The following PCDH15 variants were observed in gnomAD, a reference collection of about 807,000 sequenced individuals.
The protein encoded by PCDH15 is protocadherin-15.
Under a neutral mutation model 178.5 loss-of-function variants are expected in PCDH15, and 129 were observed. That is an observed-to-expected ratio of 0.72 (90% CI 0.63 to 0.84). The LOEUF (loss-of-function observed/expected upper bound fraction) is 0.84, where lower values mean the gene tolerates loss of function less well. PCDH15 is among the 40% of genes least tolerant of loss of function. The probability of loss-of-function intolerance (pLI) is 0.00; values close to 1 mark genes in which losing one functional copy is unlikely to be tolerated. For missense variants in PCDH15, 2,230 were observed against 2,099.9 expected (o/e 1.06, Z -1.21); for synonymous variants, 800 against 732.0 (o/e 1.09, Z -1.50).
chr10:55,186,608 A>G (rs1839805929), intron 1 of PCDH15, among the ~76,000 whole-genome samples: 1 of 151,790 alleles, frequency 6.6e-6, no homozygotes, highest in South Asian at 2.1e-4. Context: ...CTGCTAGTAA[A>G]CATTTTCCTA....
chr10:55,542,505 A>G (rs542790957), intron 2 of PCDH15, among the ~76,000 whole-genome samples: 43 of 151,000 alleles, frequency 2.8e-4, no homozygotes, highest in Non-Finnish European at 5.8e-4. Context: ...TTACATATGT[A>G]CAGTATGTAT....
rs559360835 is a variant in PCDH15 at position 54,793,253 on chromosome 10, A to G, written c.-29+7672T>C. On this transcript the variant is annotated intron_variant, in intron 1 of 37. Transcript: ENST00000644397. The stretch of plus-strand genomic sequence containing the variant: ...ATTGAGTAGCTGAGCCTCCACACCC[A>G]TTCTGCAGCAAAAAAGTATTGCAAG... Among the ~76,000 whole-genome samples, 4 of 151,920 alleles carry G rather than the reference A, an allele frequency of 2.6e-5. No homozygotes were observed. The South Asian group carries it at 8.3e-4, about 32-fold the overall frequency.
rs570766350 is a variant in PCDH15 at position 53,806,638 on chromosome 10, C to T, written c.5164G>A (p.Asp1722Asn). ...CAGGGGCCCATCCAAAGCTCTTCATCATCAGACTGTGTGTGGTCACTATGA... is the reference window on the plus strand; with the variant it reads ...CAGGGGCCCATCCAAAGCTCTTCATTATCAGACTGTGTGTGGTCACTATGA... ...EFHSDHTQSD[D>N]EELWMGPWNN... The change falls in exon 38 of 38, where the codon GAT (aspartate) becomes AAT (asparagine). Residue 1722 changes from aspartate to asparagine, a missense_variant. Transcript: ENST00000644397. 2.5e-6 allele frequency: 4 copies of T among 1,613,768 alleles called. No homozygotes were observed. In the South Asian group the frequency reaches 3.3e-5, roughly 13 times the overall value.
chr10:53,870,940 CTATT>C (rs2079798190), intron 26 of PCDH15, among the ~76,000 whole-genome samples: 2 of 152,196 alleles, frequency 1.3e-5, no homozygotes, highest in African/African-American at 4.8e-5. Context: ...TATATTGTCT[CTATT>C]TGTTGTTAAA....
At chr10:55,131,382 G>C (rs1838039380) in intron 2 of PCDH15, among the ~76,000 whole-genome samples, 1 of 152,160 alleles carries the variant, frequency 6.6e-6, no homozygotes, top group South Asian at 2.1e-4. Context: ...TCAAAGCCCT[G>C]GCTCAGGGAG....
At position 54,295,928 on chromosome 10, in the gene PCDH15, A is replaced by G. The variant is rs554004966; in HGVS notation, c.876+21343T>C. On this transcript the variant is annotated intron_variant, in intron 8 of 37. Transcript: ENST00000644397. Reference sequence around the variant, plus strand: ...GGGAGGCCGAGGCGGGCGGATCACGAGGTCAGGAGATCGAGACCATCCCGG... The same window carrying G: ...GGGAGGCCGAGGCGGGCGGATCACGGGGTCAGGAGATCGAGACCATCCCGG... 2.0e-5 allele frequency among the ~76,000 whole-genome samples: 3 copies of G among 151,016 alleles called. No individual in the cohort carries two copies. In the South Asian group the frequency reaches 6.3e-4, roughly 31 times the overall value.
At chr10:55,533,133 G>C (rs577433577) in intron 2 of PCDH15, among the ~76,000 whole-genome samples, 41 of 152,066 alleles carry the variant, frequency 2.7e-4, no homozygotes, top group African/African-American at 8.9e-4. Flanking sequence ...TACTGAATGG[G>C]CAAAAGCTGA....
intron 1 of PCDH15, among the ~76,000 whole-genome samples, chr10:54,753,078 A>T (rs1946563029): frequency 6.6e-6 from 1 of 152,234 alleles, no homozygotes; most frequent in Non-Finnish European, 1.5e-5. Context: ...GTAAGGAGTT[A>T]CCCACATATA....
chr10:55,521,704 G>T (rs1382139575), intron 2 of PCDH15, among the ~76,000 whole-genome samples: 1 of 151,478 alleles, frequency 6.6e-6, no homozygotes, highest in African/African-American at 2.4e-5. Context: ...ATTTACATTG[G>T]GTATAGAGAT....
At chr10:54,463,064 C>G (rs2077298957) in intron 3 of PCDH15, among the ~76,000 whole-genome samples, 1 of 152,130 alleles carries the variant, frequency 6.6e-6, no homozygotes, top group Non-Finnish European at 1.5e-5. Flanking sequence ...TAAGATCAAT[C>G]AGTCTGTTCA....
intron 8 of PCDH15, among the ~76,000 whole-genome samples, chr10:54,307,024 A>G (rs372212955): frequency 0.18 from 5,059 of 28,548 alleles, 635 homozygotes; most frequent in Middle Eastern, 0.31. Flanking sequence ...ACATATATAT[A>G]TATATGTGTG....
At chr10:54,460,927 T>C (rs2077126790) in intron 3 of PCDH15, among the ~76,000 whole-genome samples, 4 of 152,104 alleles carry the variant, frequency 2.6e-5, no homozygotes, top group Admixed American at 2.6e-4. Flanking sequence ...ACATTAAAAC[T>C]AGAAAGAACA....
chr10:55,182,020 T>A (rs1839664207), intron 1 of PCDH15, among the ~76,000 whole-genome samples: 1 of 151,864 alleles, frequency 6.6e-6, no homozygotes, highest in African/African-American at 2.4e-5. Context: ...AGATCCAGGG[T>A]TTCAACATGA....
chr10:54,138,262 G>C (rs555535475), intron 14 of PCDH15, among the ~76,000 whole-genome samples: 2 of 152,018 alleles, frequency 1.3e-5, no homozygotes, highest in Non-Finnish European at 2.9e-5. Flanking sequence ...GTGTGTGTGT[G>C]AGCAAGTGTG....
intron 11 of PCDH15, among the ~76,000 whole-genome samples, chr10:54,192,140 GAA>G (rs1564643274): frequency 1.3e-4 from 10 of 76,352 alleles, no homozygotes; most frequent in African/African-American, 2.3e-4. Flanking sequence ...AAGAGAAAGA[GAA>G]AGAAAGAAAG....
chr10:55,015,702 C>T (rs926066088), intron 2 of PCDH15, among the ~76,000 whole-genome samples: 6 of 152,170 alleles, frequency 3.9e-5, no homozygotes, highest in African/African-American at 1.4e-4. Context: ...GAGGAAACCA[C>T]AGGAGAAGGT....
intron 2 of PCDH15, among the ~76,000 whole-genome samples, chr10:55,448,487 G>A (rs6481161): frequency 0.77 from 116,361 of 151,918 alleles, 45,915 homozygotes; most frequent in East Asian, 0.99. Flanking sequence ...TATGGGGCCC[G>A]TGAATAATTA....
chr10:54,268,769 C>A (rs540888418), intron 8 of PCDH15, among the ~76,000 whole-genome samples: 2 of 151,806 alleles, frequency 1.3e-5, no homozygotes, highest in East Asian at 3.9e-4. Flanking sequence ...AATTACAGTT[C>A]TAATAAGACA....
chr10:55,054,631 T>G (rs1841251501), intron 2 of PCDH15, among the ~76,000 whole-genome samples: 1 of 151,672 alleles, frequency 6.6e-6, no homozygotes, highest in Admixed American at 6.6e-5. Flanking sequence ...TTGAACTAAT[T>G]TACACTCCCA....
Sources: allele counts gnomAD v4.1 joint callset (sites outside exome capture counted in the v4.1 genomes callset), GRCh38; gene constraint gnomAD v4.1.1; transcripts MANE v1.5; gene names NCBI Gene and HGNC (gene_info 2026-07-23, HGNC 2026-07-21).